MMP16: variants seen among roughly 807,000 people sequenced by gnomAD.
MMP16 encodes the protein matrix metalloproteinase-16.
In MMP16, 12 loss-of-function variants were observed where a neutral mutation model predicts 67.8. That is an observed-to-expected ratio of 0.18 (90% CI 0.11 to 0.29). The LOEUF (loss-of-function observed/expected upper bound fraction) is 0.29. Among genes scored for constraint, MMP16 ranks in the 10% least tolerant of loss-of-function variants. MMP16 has a pLI of 1.00. For synonymous variants in MMP16, 249 were observed against 255.9 expected (o/e 0.97, Z 0.26); for missense variants, 475 against 765.7 (o/e 0.62, Z 4.48).
intron 4 of MMP16, among the ~76,000 whole-genome samples, chr8:88,131,268 TACACACACAC>T (rs111863181): frequency 2.0e-5 from 3 of 146,962 alleles, no homozygotes; most frequent in East Asian, 4.1e-4. Context: ...TATAGTATTA[TACACACACAC>T]ACACACACAC....
intron 1 of MMP16, among the ~76,000 whole-genome samples, chr8:88,265,169 A>G (rs1810454588): frequency 6.6e-6 from 1 of 150,756 alleles, no homozygotes; most frequent in Admixed American, 6.6e-5. Context: ...GATTCTCACC[A>G]GCCCTCAAAC....
chr8:88,124,617 A>T (rs1424712512), intron 4 of MMP16, among the ~76,000 whole-genome samples: 1 of 151,988 alleles, frequency 6.6e-6, no homozygotes, highest in Admixed American at 6.6e-5. Flanking sequence ...CAGCTGCTGC[A>T]CAGGAGCTCT....
chr8:88,247,867 C>T (rs535201322), intron 1 of MMP16, among the ~76,000 whole-genome samples: 1 of 152,038 alleles, frequency 6.6e-6, no homozygotes, highest in South Asian at 2.1e-4. Context: ...CATTTCCTCC[C>T]CCTACTCTCT....
At chr8:88,200,678 CAA>C (rs924932536) in intron 1 of MMP16, among the ~76,000 whole-genome samples, 1 of 151,728 alleles carries the variant, frequency 6.6e-6, no homozygotes, top group South Asian at 2.1e-4. Flanking sequence ...GACAGGCAAA[CAA>C]AATTTCAGCA....
At chr8:88,251,322 C>T (rs2129925110) in intron 1 of MMP16, among the ~76,000 whole-genome samples, 1 of 151,604 alleles carries the variant, frequency 6.6e-6, no homozygotes, top group South Asian at 2.1e-4. Context: ...AGAACAGAGT[C>T]CTCAGAAATA....
At chr8:88,273,847 T>C (rs537323716) in intron 1 of MMP16, among the ~76,000 whole-genome samples, 83 of 152,196 alleles carry the variant, frequency 5.5e-4, no homozygotes, top group South Asian at 1.9e-3. Context: ...AAACTGATGT[T>C]ACAAGAATAG....
intron 1 of MMP16, among the ~76,000 whole-genome samples, chr8:88,222,863 A>G (rs896608772): frequency 6.6e-5 from 10 of 152,228 alleles, no homozygotes; most frequent in Non-Finnish European, 1.3e-4. Flanking sequence ...ATTAAACTAA[A>G]GAGCTTCTGC....
Position 88,041,505 on chromosome 8 carries a change from G to C in MMP16, c.1780C>G (p.Arg594Gly). ...VFQFKRKGTP[R>G]HILYCKRSMQ... The stretch of plus-strand genomic sequence containing the variant: ...GAGCGTTTACAGTACAGTATGTGGC[G>C]GGGTGTTCCTTTCCTCTTGAACTGG... Residue 594 changes from arginine to glycine, a missense_variant, in exon 10 of 10, where the codon CGC becomes GGC. Arg to Gly is a moderately radical substitution (Grantham distance 125). Coordinates refer to ENST00000286614, the MANE Select transcript of MMP16 (RefSeq NM_005941.5). This position sits in a 1 kb window ranked among gnomAD's most constrained non-coding sequence, Gnocchi z 6.0. 6.2e-7 allele frequency: 1 copy of C among 1,612,536 alleles called. No individual in the cohort carries two copies. Among genetic ancestry groups the C allele is most frequent in the Non-Finnish European group, 8.5e-7 (1 of 1,179,416 alleles).
At chr8:88,223,248 G>C (rs1000879803) in intron 1 of MMP16, among the ~76,000 whole-genome samples, 6 of 152,072 alleles carry the variant, frequency 3.9e-5, no homozygotes, top group Admixed American at 2.0e-4. Flanking sequence ...GTTGGTGGGA[G>C]TGTAAACTAG....
chr8:88,127,219 G>C (rs1311406141), intron 4 of MMP16, among the ~76,000 whole-genome samples: 1 of 151,990 alleles, frequency 6.6e-6, no homozygotes, highest in Non-Finnish European at 1.5e-5. Flanking sequence ...TGCTAGGTTT[G>C]AGTGTGATTA....
intron 4 of MMP16, among the ~76,000 whole-genome samples, chr8:88,129,685 G>A (rs574772797): frequency 6.6e-6 from 1 of 151,368 alleles, no homozygotes; most frequent in East Asian, 1.9e-4. Flanking sequence ...TCCCAAGCAT[G>A]TATTTTTTCA....
intron 4 of MMP16, 124 bp downstream of exon 4, chr8:88,167,545 T>C: frequency 2.2e-6 from 2 of 890,530 alleles, no homozygotes; most frequent in Non-Finnish European, 3.3e-6. Context: ...TATGCTTACA[T>C]ATTGCTTTGG....
At chr8:88,180,179 G>T (rs1057370112) in intron 3 of MMP16, among the ~76,000 whole-genome samples, 1 of 152,040 alleles carries the variant, frequency 6.6e-6, no homozygotes, top group African/African-American at 2.4e-5. Flanking sequence ...TACTCGGGAG[G>T]CTGAGGCAGG....
intron 1 of MMP16, among the ~76,000 whole-genome samples, chr8:88,253,114 G>A (rs1409057316): frequency 2.0e-5 from 3 of 151,964 alleles, no homozygotes; most frequent in South Asian, 2.1e-4. Context: ...ATTTACAGAG[G>A]TACTGGTTTA....
chr8:88,199,463 C>T (rs957256749), intron 1 of MMP16, among the ~76,000 whole-genome samples: 1 of 151,892 alleles, frequency 6.6e-6, no homozygotes, highest in East Asian at 1.9e-4. Flanking sequence ...TGAGTTCTAC[C>T]ATTTTATGGT....
chr8:88,229,414 C>G (rs533048836), intron 1 of MMP16, among the ~76,000 whole-genome samples: 12 of 152,054 alleles, frequency 7.9e-5, no homozygotes, highest in African/African-American at 2.6e-4. Context: ...GGGGTATGCT[C>G]TCCAATCTCA....
At chr8:88,308,454 G>A (rs961662457) in intron 1 of MMP16, among the ~76,000 whole-genome samples, 1 of 152,012 alleles carries the variant, frequency 6.6e-6, no homozygotes, top group Admixed American at 6.6e-5. Flanking sequence ...TAAAGCAAGA[G>A]GTGCCCAAAG....
intron 1 of MMP16, among the ~76,000 whole-genome samples, chr8:88,221,707 G>A (rs761083215): frequency 6.6e-6 from 1 of 151,948 alleles, no homozygotes; most frequent in Non-Finnish European, 1.5e-5. Context: ...CAATGAAAAT[G>A]CATGCAAAAT....
chr8:88,149,221 A>G (rs1440216299), intron 4 of MMP16, among the ~76,000 whole-genome samples: 2 of 152,194 alleles, frequency 1.3e-5, no homozygotes, highest in African/African-American at 2.4e-5. Context: ...CACCCACGGA[A>G]TCTCGCTGAT....
Sources: allele counts gnomAD v4.1 joint callset (sites outside exome capture counted in the v4.1 genomes callset), GRCh38; gene constraint gnomAD v4.1.1; non-coding constraint Gnocchi (gnomAD v3.1); transcripts MANE v1.5; gene names NCBI Gene and HGNC (gene_info 2026-07-23, HGNC 2026-07-21).